NBPF14: variants seen among roughly 807,000 people sequenced by gnomAD.
NBPF14 encodes NBPF family member NBPF14.
A neutral mutation model predicts 91.2 loss-of-function variants in NBPF14; 104 were observed. The observed-to-expected ratio is 1.14, with a 90% CI of 0.97 to 1.34. The LOEUF (loss-of-function observed/expected upper bound fraction) is 1.34, where lower values mean the gene tolerates loss of function less well. NBPF14 is among the 40% of genes most tolerant of loss of function. NBPF14 has a pLI of 0.00. For synonymous variants in NBPF14, 294 were observed against 303.8 expected (o/e 0.97, Z 0.34); for missense variants, 908 against 783.0 (o/e 1.16, Z -1.91).
chr1:148,575,978 T>C (rs1659626890), intron 16 of NBPF14, among the ~76,000 whole-genome samples, 167 bp from the exon 17 acceptor site: 2 of 135,840 alleles, frequency 1.5e-5, no homozygotes, highest in African/African-American at 5.7e-5. Context: ...CAGGGCCAGG[T>C]AGAAAAGAAT....
chr1:148,585,226 A>G lies in NBPF14; in HGVS notation c.1307-13T>C. ...TCGTTGTCATTTTCTGTAAATACAG[A>G]AGTGTTCGTTCAGGTATTTCCCACT... On this transcript the variant is annotated splice_polypyrimidine_tract_variant and intron_variant, in intron 9 of 70. Transcript: ENST00000619423. The G allele has an allele frequency of 6.3e-7, 1 of 1,588,976 alleles. No homozygotes were observed. The highest frequency in any genetic ancestry group is 1.1e-5 in the South Asian group (1 of 90,396).
At chr1:148,572,681 A>G in intron 20 of NBPF14, 66 bp from the exon 21 acceptor site, 2 of 681,726 alleles carry the variant, frequency 2.9e-6, no homozygotes, top group South Asian at 1.5e-5. Context: ...CCCCAGCTAG[A>G]TTTCATGGCT....
rs1362449404 is a variant in NBPF14, at chr1:148,533,984, G to T, written c.8615-15C>A. ...CTTTTCAATTTCTGCAATAAATTCA[G>T]ACATGGACAGACACATTAAGCTGAT... On this transcript the variant is annotated splice_polypyrimidine_tract_variant and intron_variant, in intron 69 of 70. Transcript: ENST00000619423. 2.9e-6 allele frequency: 2 copies of T among 696,686 alleles called. No homozygotes were observed. The highest frequency in any genetic ancestry group is 5.2e-6 in the Non-Finnish European group (2 of 384,310). 43.2% of individuals were successfully genotyped at this position (696,686 alleles called of 1,614,324 possible).
chr1:148,580,900 C>T (rs1239945534), intron 12 of NBPF14, among the ~76,000 whole-genome samples: 8 of 105,672 alleles, frequency 7.6e-5, no homozygotes, highest in Non-Finnish European at 1.6e-4. Flanking sequence ...GGTACATGTG[C>T]ACAACGTGCA....
chr1:148,575,549 T>A, intron 17 of NBPF14, 90 bp downstream of exon 17: 1 of 102,508 alleles, frequency 9.8e-6, no homozygotes, highest in Non-Finnish European at 1.6e-5. Context: ...ATGACGTCTC[T>A]CGGGTCAGTA....
At chr1:148,595,224 T>C (rs1319637969) in intron 2 of NBPF14, among the ~76,000 whole-genome samples, 2 of 147,610 alleles carry the variant, frequency 1.4e-5, no homozygotes, top group East Asian at 3.9e-4. Context: ...GTCTGCAGGA[T>C]CTTATATGGT....
rs1476024029 is a variant in NBPF14 at position 148,566,544 on chromosome 1, C to A, written c.3543-229G>T. Among the ~76,000 whole-genome samples the A allele has an allele frequency of 6.5e-4, 74 of 114,544 alleles. 1 individual carries two copies. The highest frequency in any genetic ancestry group is 8.4e-4 in the Non-Finnish European group (38 of 45,466). 75.1% of individuals were successfully genotyped at this position (114,544 alleles called of 152,430 possible). On this transcript the variant is annotated intron_variant, in intron 28 of 70. Transcript: ENST00000619423. ...ACACACACACACACACACACACAAA[C>A]ACACACACACACACAGAGAACGAGC... is the stretch of plus-strand genomic sequence containing the variant.
intron 2 of NBPF14, among the ~76,000 whole-genome samples, chr1:148,593,966 C>T (rs1571069422): frequency 6.7e-6 from 1 of 149,750 alleles, no homozygotes; most frequent in Non-Finnish European, 1.5e-5. Flanking sequence ...GGAGTCAGAA[C>T]TCACAGCCCC....
chr1:148,534,794 C>T lies in NBPF14; in HGVS notation c.8504G>A (p.Cys2835Tyr), dbSNP rs782816611. ...AAGATAACCTGAAGGAGTCGAATAA[C>T]ATCTATCCAGTGAGTCCTGCAAGAC... The change falls in exon 69 of 71, where the codon TGT (cysteine) becomes TAT (tyrosine). Residue 2835 changes from cysteine (C) to tyrosine (Y), a missense_variant. Coordinates refer to ENST00000619423, the Ensembl canonical transcript of NBPF14. The T allele has an allele frequency of 3.3e-5, 30 of 918,712 alleles. 2 individuals carry two copies. In the African/African-American group the frequency reaches 4.5e-4, roughly 14 times the overall value. 56.9% of individuals were successfully genotyped at this position (918,712 alleles called of 1,614,324 possible). A position where few individuals can be genotyped will look rare whatever the true frequency, so the allele number is the denominator to read the frequency against.
intron 68 of NBPF14, 100 bp downstream of exon 68, chr1:148,535,353 T>A (rs1654931710): frequency 7.0e-6 from 4 of 574,236 alleles, no homozygotes; most frequent in Admixed American, 3.0e-5. Flanking sequence ...TAATTCAACC[T>A]TCGCTGAAAA....
chr1:148,532,378 G>C (rs1208139184), exon 71 of NBPF14: 5 of 164,594 alleles, frequency 3.0e-5, no homozygotes, highest in African/African-American at 1.2e-4. Context: ...GAGAGGAGCA[G>C]GGCTAAGGCC....
intron 68 of NBPF14, among the ~76,000 whole-genome samples, chr1:148,535,091 T>C (rs1436773028): frequency 6.9e-6 from 1 of 145,628 alleles, no homozygotes; most frequent in Non-Finnish European, 1.5e-5. Context: ...GCTCAGCGAA[T>C]TGGCCGGGTG....
intron 12 of NBPF14, among the ~76,000 whole-genome samples, chr1:148,579,823 C>A (rs2149547211): frequency 1.3e-5 from 2 of 152,252 alleles, no homozygotes; most frequent in African/African-American, 4.8e-5. Context: ...GAGTGGACTT[C>A]CAGCAAACTC....
chr1:148,593,729 G>C lies in NBPF14; in HGVS notation c.176-29C>G, dbSNP rs1211169098. 33 of 1,411,406 alleles carry C rather than the reference G, an allele frequency of 2.3e-5. No individual in the cohort carries two copies. The Admixed American group carries it at 4.4e-4, about 19-fold the overall frequency. 87.4% of individuals were successfully genotyped at this position (1,411,406 alleles called of 1,614,324 possible). A position where few individuals can be genotyped will look rare whatever the true frequency, so the allele number is the denominator to read the frequency against. On this transcript the variant is annotated intron_variant, in intron 2 of 70. Transcript: ENST00000619423. ...AGAAAAGACAGACACGCCTGCCTCA[G>C]TGGAAGGCTGGACATGCTGCTGTGG...
At chr1:148,559,276 C>G (rs1657154606) in intron 37 of NBPF14, among the ~76,000 whole-genome samples, 1 of 112,350 alleles carries the variant, frequency 8.9e-6, no homozygotes, top group Non-Finnish European at 1.6e-5. Flanking sequence ...GGTAAAATTC[C>G]CTATTCTGGT....
chr1:148,566,518 C>T (rs1412884851), intron 28 of NBPF14, among the ~76,000 whole-genome samples: 1 of 122,962 alleles, frequency 8.1e-6, no homozygotes, highest in Non-Finnish European at 1.9e-5. Flanking sequence ...GACACACACA[C>T]ACACACACAC....
chr1:148,559,945 T>C, exon 37 of NBPF14: 4 of 1,386,926 alleles, frequency 2.9e-6, no homozygotes, highest in South Asian at 1.2e-5. Flanking sequence ...CCCTTTCTCA[T>C]GCAGCAGCTC....
intron 10 of NBPF14, 144 bp downstream of exon 10, chr1:148,584,997 T>G (rs1195252872): frequency 5.6e-5 from 48 of 861,756 alleles, no homozygotes; most frequent in Non-Finnish European, 8.0e-5. Context: ...TACCGCACCC[T>G]GTGTCTAAGC....
chr1:148,557,129 C>G (rs1334767998), intron 40 of NBPF14, among the ~76,000 whole-genome samples: 1 of 123,528 alleles, frequency 8.1e-6, no homozygotes, highest in Non-Finnish European at 1.6e-5. Flanking sequence ...GTCCAGGTGA[C>G]ACACTGATGA....
Sources: gnomAD v4.1 joint callset for allele counts (sites outside exome capture counted in the v4.1 genomes callset) on GRCh38, gnomAD v4.1.1 for gene constraint, MANE v1.5 for transcripts, NCBI Gene and HGNC (gene_info 2026-07-23, HGNC 2026-07-21) for gene names.